Variants in PRDM14 observed in about 807,000 individuals in gnomAD.
The protein encoded by PRDM14 is PR/SET domain 14, also known as PR domain zinc finger protein 14.
A neutral mutation model predicts 48.0 loss-of-function variants in PRDM14; 16 were observed. The ratio of observed to expected loss-of-function variants is 0.33; its 90% CI spans 0.23 to 0.51. The LOEUF is 0.51. Ranked by LOEUF, PRDM14 falls within the 20% of genes least tolerant of loss-of-function variation. The pLI, the probability that PRDM14 is intolerant of heterozygous loss-of-function variation, is 0.97. For missense variants in PRDM14, 566 were observed against 719.6 expected (o/e 0.79, Z 2.44); for synonymous variants, 264 against 276.6 (o/e 0.95, Z 0.45).
At chr8:70,055,208 G>T (rs1439408061) in intron 7 of PRDM14, 92 bp downstream of exon 7, 2 of 668,370 alleles carry the variant, frequency 3.0e-6, no homozygotes, top group African/African-American at 1.8e-5. Flanking sequence ...CATTTACCAA[G>T]AACTCATTAA....
At chr8:70,056,510 C>T (rs986669613) in intron 6 of PRDM14, among the ~76,000 whole-genome samples, 5 of 152,098 alleles carry the variant, frequency 3.3e-5, no homozygotes, top group East Asian at 1.9e-4. Flanking sequence ...GAGGCAGAGC[C>T]TCGCTCTGTT....
At chr8:70,056,894 T>A (rs893291738) in intron 6 of PRDM14, among the ~76,000 whole-genome samples, 1 of 150,088 alleles carries the variant, frequency 6.7e-6, no homozygotes, top group Admixed American at 6.6e-5. Flanking sequence ...TAAGCCATCA[T>A]CTCACTATCA....
chr8:70,052,591 G>A (rs532401796), intron 7 of PRDM14, among the ~76,000 whole-genome samples: 1 of 152,070 alleles, frequency 6.6e-6, no homozygotes, highest in African/African-American at 2.4e-5. Flanking sequence ...CAGGCTGGGC[G>A]CAGTGGTTCA....
intron 2 of PRDM14, 93 bp downstream of exon 2, chr8:70,069,068 C>A (rs952343414): frequency 2.9e-6 from 3 of 1,020,544 alleles, no homozygotes; most frequent in Non-Finnish European, 4.2e-6. Flanking sequence ...TCTGCAGCCT[C>A]AGCTCCACCT....
chr8:70,054,655 ATTACAGGAACGTG>A (rs1563437905), intron 7 of PRDM14, among the ~76,000 whole-genome samples: 4 of 101,514 alleles, frequency 3.9e-5, no homozygotes, highest in African/African-American at 1.3e-4. Flanking sequence ...AGTAGCTGGG[ATTACAGGAACGTG>A]CCACCATGCC....
At chr8:70,053,290 C>T (rs577227987) in intron 7 of PRDM14, among the ~76,000 whole-genome samples, 1 of 151,826 alleles carries the variant, frequency 6.6e-6, no homozygotes, top group East Asian at 1.9e-4. Context: ...TAATATCGGC[C>T]AGTGTCTTTG....
At chr8:70,059,927 G>C (rs1805547222) in intron 5 of PRDM14, among the ~76,000 whole-genome samples, 3 of 151,560 alleles carry the variant, frequency 2.0e-5, no homozygotes, top group African/African-American at 7.3e-5. Context: ...AATCCCGTCT[G>C]TACTAAAAAT....
At chr8:70,070,914 G>A (rs1805755957) in intron 1 of PRDM14, among the ~76,000 whole-genome samples, 1 of 152,144 alleles carries the variant, frequency 6.6e-6, no homozygotes, top group South Asian at 2.1e-4. Flanking sequence ...AAGAACACGG[G>A]GTCAGGAGAA....
At chr8:70,054,133 A>C (rs1805433591) in intron 7 of PRDM14, among the ~76,000 whole-genome samples, 1 of 152,206 alleles carries the variant, frequency 6.6e-6, no homozygotes, top group African/African-American at 2.4e-5. Flanking sequence ...TGGTCAACCT[A>C]TTGTTTCTAT....
chr8:70,067,849 T>C (rs1480259771), intron 4 of PRDM14, among the ~76,000 whole-genome samples: 1 of 152,188 alleles, frequency 6.6e-6, no homozygotes, highest in Admixed American at 6.5e-5. Flanking sequence ...TGACTAATTT[T>C]ATAGGTGAAT....
chr8:70,051,868 C>T lies in PRDM14; in HGVS notation c.*209G>A, dbSNP rs116496012. The T allele has an allele frequency of 6.3e-3, 3,201 of 510,168 alleles. 79 individuals carry two copies. Among genetic ancestry groups the T allele is most frequent in the African/African-American group, 0.054 (2,853 of 52,544 alleles). The allele number at this position is 510,168 out of a possible 1,614,324, so 31.6% of individuals were successfully genotyped here. A position where few individuals can be genotyped will look rare whatever the true frequency, so the allele number is the denominator to read the frequency against. ...CTCACAGCAACCTCCGTCTCCTGTG[C>T]TCAAACCATCCTGCCACCTCGACCT... On this transcript the variant is annotated 3_prime_UTR_variant, in exon 8 of 8. Transcript: ENST00000276594.
chr8:70,056,555 CACCGCA>C (rs1384972276), intron 6 of PRDM14, among the ~76,000 whole-genome samples: 2 of 152,078 alleles, frequency 1.3e-5, no homozygotes, highest in African/African-American at 4.8e-5. Context: ...GATCTCGGCC[CACCGCA>C]ACCTCTGCCT....
At chr8:70,065,077 G>A (rs140750966) in intron 5 of PRDM14, among the ~76,000 whole-genome samples, 2,480 of 151,768 alleles carry the variant, frequency 0.016, 71 homozygotes, top group African/African-American at 0.058. Flanking sequence ...TAGTAGAGAC[G>A]GGTTTTCACC....
At chr8:70,062,387 T>C (rs1359577468) in intron 5 of PRDM14, among the ~76,000 whole-genome samples, 4 of 152,230 alleles carry the variant, frequency 2.6e-5, no homozygotes, top group Admixed American at 2.0e-4. Flanking sequence ...CAGGTTTTTT[T>C]CGAACTTTGG....
At position 70,058,780 on chromosome 8, in the gene PRDM14, C is replaced by A; in HGVS notation, c.1246G>T (p.Asp416Tyr). The A allele has an allele frequency of 1.2e-6, 2 of 1,614,146 alleles. No homozygotes were observed. The highest frequency in any genetic ancestry group is 1.7e-6 in the Non-Finnish European group (2 of 1,180,004). The change falls in exon 6 of 8, where the codon GAT (aspartate) becomes TAT (tyrosine). Residue 416 changes from aspartate to tyrosine, a missense_variant. Physicochemically the swap from Asp to Tyr is radical, Grantham distance 160. This residue lies in a region of PRDM14 where 126 missense variants were observed against 271.6 expected (regional missense o/e 0.46). Transcript: ENST00000276594. ...CAGGGGGTGTACTTGAGGTGCTTAT[C>A]TCTGTAATATTTGTAGGTAAATACC... ...GKVFTYKYYR[D>Y]KHLKYTPCVD...
At chr8:70,064,761 G>A (rs998357613) in intron 5 of PRDM14, among the ~76,000 whole-genome samples, 1 of 151,516 alleles carries the variant, frequency 6.6e-6, no homozygotes. Context: ...TCCTGACCTC[G>A]TGATCCGCCC....
At chr8:70,058,588 T>G (rs1805520968) in intron 6 of PRDM14, 52 bp downstream of exon 6, 8 of 1,532,392 alleles carry the variant, frequency 5.2e-6, no homozygotes, top group Non-Finnish European at 7.2e-6. Flanking sequence ...TTCAGGAGCT[T>G]GGGAAGGGAG....
intron 6 of PRDM14, 75 bp from the exon 7 acceptor site, chr8:70,055,476 G>T: frequency 1.2e-6 from 1 of 842,278 alleles, no homozygotes; most frequent in Non-Finnish European, 2.0e-6. Flanking sequence ...GCGTTTACCT[G>T]GGGTTAGAGA....
rs745834524 is a variant in PRDM14, at chr8:70,069,819, C to G, written c.42G>C (p.Lys14Asn). 1.6e-5 allele frequency: 25 copies of G among 1,608,864 alleles called. No individual in the cohort carries two copies. The South Asian group carries it at 2.7e-4, about 17-fold the overall frequency. Reference sequence around the variant, plus strand: ...GGCTGCTCTCCGGCGGGTAGCACACCTTGTCCTGAGGCACGGCCTCACTTG... The same window carrying G: ...GGCTGCTCTCCGGCGGGTAGCACACGTTGTCCTGAGGCACGGCCTCACTTG... ...PRPSEAVPQD[K>N]VCYPPESSPQ... The change falls in exon 2 of 8, where the codon AAG (lysine) becomes AAC (asparagine). Residue 14 changes from lysine to asparagine, a missense_variant. Lys to Asn is a moderately conservative substitution (Grantham distance 94). Transcript: ENST00000276594.
Sources: gnomAD v4.1 joint callset for allele counts (sites outside exome capture counted in the v4.1 genomes callset) on GRCh38, gnomAD v4.1.1 for gene constraint, gnomAD v4.1.1 regional missense constraint, MANE v1.5 for transcripts, NCBI Gene and HGNC (gene_info 2026-07-23, HGNC 2026-07-21) for gene names.